Variants in SCP2 observed in about 807,000 individuals in gnomAD.
SCP2 encodes the protein SCP-2/3-oxoacyl-CoA thiolase.
In SCP2, 48 loss-of-function variants were observed where a neutral mutation model predicts 71.4. That is an observed-to-expected ratio of 0.67 (90% confidence interval 0.53 to 0.86). The LOEUF (loss-of-function observed/expected upper bound fraction) is 0.86. Ranked by LOEUF, SCP2 falls within the 40% of genes least tolerant of loss-of-function variation. The probability of loss-of-function intolerance (pLI) is 0.00; values close to 1 mark genes in which losing one functional copy is unlikely to be tolerated. For synonymous variants in SCP2, 220 were observed against 218.1 expected (o/e 1.01, Z -0.08); for missense variants, 560 against 655.6 (o/e 0.85, Z 1.59).
intron 14 of SCP2, among the ~76,000 whole-genome samples, chr1:53,047,625 A>G (rs867640117): frequency 9.2e-5 from 14 of 152,162 alleles, no homozygotes; most frequent in Non-Finnish European, 1.9e-4. Context: ...ATACCTCACT[A>G]TTTGAATATA....
At chr1:53,005,630 C>G (rs1284566772) in intron 11 of SCP2, among the ~76,000 whole-genome samples, 2 of 152,164 alleles carry the variant, frequency 1.3e-5, no homozygotes, top group Non-Finnish European at 2.9e-5. Context: ...ACGTCACCAT[C>G]ATCAAAGACC....
intron 13 of SCP2, among the ~76,000 whole-genome samples, chr1:53,038,209 C>T (rs957379990): frequency 2.1e-5 from 3 of 143,502 alleles, no homozygotes; most frequent in Non-Finnish European, 3.0e-5. Context: ...TATATATATA[C>T]CATTTATACG....
intron 12 of SCP2, among the ~76,000 whole-genome samples, chr1:53,023,721 G>C (rs1661910694): frequency 6.6e-6 from 1 of 152,134 alleles, no homozygotes. Flanking sequence ...AGGCATAGAA[G>C]TGTGAGGTGG....
In SCP2 at chr1:52,977,640, G is replaced by A. The variant is rs185802329; in HGVS notation, c.675-577G>A. On this transcript the variant is annotated intron_variant, in intron 8 of 15. Coordinates refer to ENST00000371514, the MANE Select transcript of SCP2 (RefSeq NM_002979.5). ...TCAGAAGATGCCTTATGCATCTCCA[G>A]AGGCAAATTGGTAATTCTTTGCAAT... is the stretch of plus-strand genomic sequence containing the variant. Among the ~76,000 whole-genome samples the A allele has an allele frequency of 4.2e-3, 643 of 152,298 alleles. 2 individuals are homozygous for A. The Middle Eastern group carries it at 0.065, about 15-fold the overall frequency.
intron 14 of SCP2, among the ~76,000 whole-genome samples, chr1:53,047,214 G>A (rs1663877629): frequency 6.6e-6 from 1 of 152,260 alleles, no homozygotes; most frequent in Non-Finnish European, 1.5e-5. Context: ...CCACAACATA[G>A]CAGTGAGCTC....
intron 10 of SCP2, among the ~76,000 whole-genome samples, chr1:52,981,638 C>T (rs1009407468): frequency 1.1e-4 from 17 of 151,484 alleles, no homozygotes; most frequent in Admixed American, 2.6e-4. Context: ...CACCATGTTG[C>T]GCGGGCTGTT....
chr1:53,026,684 C>T lies in SCP2; in HGVS notation c.1236-1285C>T, dbSNP rs115100368. 6.2e-3 allele frequency among the ~76,000 whole-genome samples: 941 copies of T among 152,196 alleles called. 14 individuals are homozygous for T. The highest frequency in any genetic ancestry group is 0.022 in the African/African-American group (905 of 41,516). Reference sequence around the variant, plus strand: ...AATTAGCTGGGCATGGTGGCATGCGCCTATAGTCCCAGCTTACTTGGGAGG... The same window carrying T: ...AATTAGCTGGGCATGGTGGCATGCGTCTATAGTCCCAGCTTACTTGGGAGG... On this transcript the variant is annotated intron_variant, in intron 12 of 15. Transcript: ENST00000371514.
chr1:52,980,172 C>T (rs1222520790), intron 9 of SCP2, among the ~76,000 whole-genome samples: 1 of 152,070 alleles, frequency 6.6e-6, no homozygotes, highest in African/African-American at 2.4e-5. Context: ...CAGGATCTTC[C>T]ATTGTTGCCC....
At chr1:53,025,802 G>C (rs935265280) in intron 12 of SCP2, among the ~76,000 whole-genome samples, 1 of 152,146 alleles carries the variant, frequency 6.6e-6, no homozygotes, top group Non-Finnish European at 1.5e-5. Flanking sequence ...ACTGTTGTAA[G>C]AATAATCACA....
At chr1:53,000,637 T>C (rs1660253705) in intron 11 of SCP2, among the ~76,000 whole-genome samples, 1 of 152,212 alleles carries the variant, frequency 6.6e-6, no homozygotes, top group Admixed American at 6.5e-5. Flanking sequence ...CATAGACCAA[T>C]TCGGAGCCTC....
At chr1:53,009,573 T>G (rs1366524040) in intron 11 of SCP2, among the ~76,000 whole-genome samples, 1 of 152,208 alleles carries the variant, frequency 6.6e-6, no homozygotes, top group East Asian at 1.9e-4. Flanking sequence ...TGGCTAGCCA[T>G]ATGTAGAAAG....
At chr1:53,017,925 G>T (rs544530276) in intron 12 of SCP2, among the ~76,000 whole-genome samples, 329 of 152,260 alleles carry the variant, frequency 2.2e-3, no homozygotes, top group South Asian at 3.7e-3. Context: ...CACAATCTCG[G>T]CTCACTGCAA....
chr1:52,969,039 T>A (rs1349898403), intron 6 of SCP2, among the ~76,000 whole-genome samples: 1 of 151,860 alleles, frequency 6.6e-6, no homozygotes, highest in African/African-American at 2.4e-5. Context: ...GCTCTTCTTC[T>A]TCATCATTTT....
intron 14 of SCP2, among the ~76,000 whole-genome samples, chr1:53,042,947 C>T (rs930095148): frequency 1.3e-5 from 2 of 152,124 alleles, no homozygotes; most frequent in African/African-American, 4.8e-5. Context: ...TCCTTTGAAA[C>T]GACTCATATA....
intron 1 of SCP2, among the ~76,000 whole-genome samples, chr1:52,930,618 C>G (rs976256842): frequency 2.7e-5 from 4 of 149,236 alleles, no homozygotes; most frequent in African/African-American, 1.0e-4. Flanking sequence ...GGGAGTGAGA[C>G]TCTGTCTCAA....
rs546736446 is a variant in SCP2 at position 53,027,590 on chromosome 1, C to T, written c.1236-379C>T. ...TGCCATCTCGGCTCACTGCAACCTC[C>T]GCCTCCTAGGTTCAAGCGATTCTCC... On this transcript the variant is annotated intron_variant, in intron 12 of 15. Coordinates refer to ENST00000371514, the MANE Select transcript of SCP2 (RefSeq NM_002979.5). Among the ~76,000 whole-genome samples, 75 of 152,220 alleles carry T rather than the reference C, an allele frequency of 4.9e-4. 1 individual carries two copies. The East Asian group carries it at 0.014, about 29-fold the overall frequency.
chr1:53,017,608 T>G (rs2150231721), intron 12 of SCP2, among the ~76,000 whole-genome samples: 1 of 152,358 alleles, frequency 6.6e-6, no homozygotes, highest in Admixed American at 6.5e-5. Context: ...TTGAGGCATA[T>G]TTGGATTATT....
chr1:52,961,438 G>A lies in SCP2; in HGVS notation c.397-65G>A. On this transcript the variant is annotated intron_variant, in intron 5 of 15. Transcript: ENST00000371514. ...AATAAATAAATATCTTAATAGCACT[G>A]TAGTAGTTTTGAAAGAGACACTTAT... is the stretch of plus-strand genomic sequence containing the variant. The A allele has an allele frequency of 2.0e-6, 3 of 1,517,400 alleles. No individual in the cohort carries two copies. The Admixed American group carries it at 5.0e-5, about 25-fold the overall frequency. The allele number at this position is 1,517,400 out of a possible 1,614,324, so 94.0% of individuals were successfully genotyped here.
At chr1:53,050,430 A>G in intron 15 of SCP2, 179 bp from the exon 16 acceptor site, 1 of 554,760 alleles carries the variant, frequency 1.8e-6, no homozygotes, top group South Asian at 2.0e-5. Context: ...TGTGGCCTTT[A>G]CAAATTCTTC....
Sources: allele counts gnomAD v4.1 joint callset (sites outside exome capture counted in the v4.1 genomes callset), GRCh38; gene constraint gnomAD v4.1.1; transcripts MANE v1.5; gene names NCBI Gene and HGNC (gene_info 2026-07-23, HGNC 2026-07-21).